The following FOCAD variants were observed in gnomAD, a reference collection of about 807,000 sequenced individuals.
FOCAD encodes the protein KIAA1797.
In FOCAD, 198 loss-of-function variants were observed where a neutral mutation model predicts 225.6. That is an observed-to-expected ratio of 0.88 (90% CI 0.78 to 0.99). The LOEUF is 0.99. Among genes scored for constraint, FOCAD ranks in the 50% least tolerant of loss-of-function variants. The pLI, the probability that FOCAD is intolerant of heterozygous loss-of-function variation, is 0.00. For synonymous variants in FOCAD, 897 were observed against 755.0 expected (o/e 1.19, Z -3.08); for missense variants, 2,713 against 2,123.6 (o/e 1.28, Z -5.46).
At chr9:20,995,469 G>C in intron 43 of FOCAD, 87 bp from the exon 44 acceptor site, 1 of 1,098,646 alleles carries the variant, frequency 9.1e-7, no homozygotes. Context: ...CATTAGCCAA[G>C]TGAGAAAAAG....
chr9:20,820,552 A>C (rs1824211257), intron 13 of FOCAD, 127 bp downstream of exon 13: 2 of 715,924 alleles, frequency 2.8e-6, no homozygotes, highest in South Asian at 4.4e-5. Context: ...ATTGCATTGA[A>C]AAAGTTTTGA....
chr9:20,946,325 G>A (rs1837174741), intron 29 of FOCAD, among the ~76,000 whole-genome samples: 1 of 152,098 alleles, frequency 6.6e-6, no homozygotes. Flanking sequence ...CAATTAATTA[G>A]TAGCACCCAC....
intron 37 of FOCAD, among the ~76,000 whole-genome samples, chr9:20,978,778 A>G (rs760510759): frequency 8.5e-5 from 13 of 152,262 alleles, no homozygotes; most frequent in Non-Finnish European, 1.9e-4. Flanking sequence ...ATTATATAGT[A>G]TATGTAATTA....
intron 11 of FOCAD, among the ~76,000 whole-genome samples, chr9:20,796,724 C>T (rs1265297035): frequency 6.6e-6 from 1 of 152,104 alleles, no homozygotes; most frequent in African/African-American, 2.4e-5. Flanking sequence ...AGCCCTTTGT[C>T]AGATGAGTAG....
At chr9:20,804,928 A>G (rs1478653272) in intron 11 of FOCAD, among the ~76,000 whole-genome samples, 3 of 152,088 alleles carry the variant, frequency 2.0e-5, no homozygotes, top group Non-Finnish European at 4.4e-5. Context: ...AATTTACCTA[A>G]TTTGATTTGG....
At chr9:20,940,062 A>G (rs777176215) in intron 28 of FOCAD, among the ~76,000 whole-genome samples, 15 of 151,924 alleles carry the variant, frequency 9.9e-5, no homozygotes, top group South Asian at 4.2e-4. Flanking sequence ...TTGGTTTTCT[A>G]TCCTTTTTAA....
chr9:20,679,871 C>T (rs540365295), upstream of FOCAD, among the ~76,000 whole-genome samples: 172 of 149,734 alleles, frequency 1.1e-3, no homozygotes, highest in African/African-American at 3.7e-3. Flanking sequence ...TTAAGTCTAG[C>T]GCACCCTCCA....
intron 15 of FOCAD, among the ~76,000 whole-genome samples, chr9:20,826,784 C>T (rs1017576444): frequency 3.9e-5 from 6 of 152,104 alleles, no homozygotes; most frequent in Admixed American, 1.3e-4. Context: ...TCTTTGGTTA[C>T]TCCCGGGCTT....
chr9:20,946,591 A>C (rs1837204299), intron 29 of FOCAD, 110 bp from the exon 30 acceptor site: 3 of 1,209,770 alleles, frequency 2.5e-6, no homozygotes, highest in Non-Finnish European at 3.4e-6. Context: ...AATGTATGTG[A>C]ATCCAATTCT....
At chr9:20,656,800 G>A (rs866142599), upstream of FOCAD, among the ~76,000 whole-genome samples, 6 of 152,276 alleles carry the variant, frequency 3.9e-5, no homozygotes, top group African/African-American at 1.4e-4. Context: ...AGCGTTATGT[G>A]TGAATTTGAT....
At chr9:20,694,077 C>A (rs1823148255) in intron 1 of FOCAD, among the ~76,000 whole-genome samples, 1 of 152,174 alleles carries the variant, frequency 6.6e-6, no homozygotes, top group South Asian at 2.1e-4. Flanking sequence ...CTAATTTATT[C>A]TTTGCAAGAA....
At chr9:20,675,632 C>A (rs1279344861) in intron 2 of FOCAD, among the ~76,000 whole-genome samples, 3 of 152,158 alleles carry the variant, frequency 2.0e-5, no homozygotes. Context: ...TTCTGAGTGG[C>A]TTCTTTGTTG....
intron 10 of FOCAD, among the ~76,000 whole-genome samples, chr9:20,785,303 G>A (rs551117558): frequency 4.0e-5 from 6 of 151,884 alleles, no homozygotes; most frequent in African/African-American, 9.7e-5. Flanking sequence ...TAGTATATTC[G>A]CAGCATTGTA....
intron 15 of FOCAD, among the ~76,000 whole-genome samples, chr9:20,823,796 G>A (rs759306716): frequency 6.6e-6 from 1 of 152,120 alleles, no homozygotes; most frequent in South Asian, 2.1e-4. Flanking sequence ...GTTATGGTCA[G>A]TTATGGTTGA....
intron 15 of FOCAD, among the ~76,000 whole-genome samples, chr9:20,841,808 T>C (rs1826556982): frequency 6.6e-6 from 1 of 151,876 alleles, no homozygotes. Flanking sequence ...TTTGATTTGC[T>C]CTTGCTTTTC....
In FOCAD at chr9:20,879,115, G is replaced by A. The variant is rs1830468160; in HGVS notation, c.2318-2756G>A. 2.6e-5 allele frequency among the ~76,000 whole-genome samples: 4 copies of A among 152,198 alleles called. No homozygotes were observed. The South Asian group carries it at 8.3e-4, about 32-fold the overall frequency. Reference sequence around the variant, plus strand: ...CCAACCCCAAATAATGCTTTACCAGGTTTCTAGGTATTCCTTAAGCCAGCC... The same window carrying A: ...CCAACCCCAAATAATGCTTTACCAGATTTCTAGGTATTCCTTAAGCCAGCC... On this transcript the variant is annotated intron_variant, in intron 19 of 43. Transcript: ENST00000338382.
rs1003547109 is a variant in FOCAD, at chr9:20,761,492, C to G, written c.494+3301C>G. On this transcript the variant is annotated intron_variant, in intron 6 of 43. Coordinates refer to ENST00000338382, the MANE Select transcript of FOCAD (RefSeq NM_001375567.1). ...CTGGAGTGCAGTGGTGCAATCTCGG[C>G]TCATTGCAACCTCTGCCTCACGGGT... Among the ~76,000 whole-genome samples, 61 of 152,216 alleles carry G rather than the reference C, an allele frequency of 4.0e-4. 1 individual carries two copies. Among genetic ancestry groups the G allele is most frequent in the African/African-American group, 1.4e-3 (59 of 41,508 alleles).
chr9:20,797,386 C>G lies in FOCAD; in HGVS notation c.1455+7778C>G, dbSNP rs141253789. 3.9e-3 allele frequency among the ~76,000 whole-genome samples: 586 copies of G among 152,190 alleles called. 4 individuals carry two copies. Among genetic ancestry groups the G allele is most frequent in the African/African-American group, 0.014 (562 of 41,538 alleles). On this transcript the variant is annotated intron_variant, in intron 11 of 43. Transcript: ENST00000338382. ...TTGGTAGCTTGATGAGGATGGCATT[C>G]AATCTATAAATTACCTTGGGCAGTA... is the stretch of plus-strand genomic sequence containing the variant.
intron 2 of FOCAD, among the ~76,000 whole-genome samples, chr9:20,660,714 G>A (rs949828607): frequency 1.3e-5 from 2 of 152,188 alleles, no homozygotes; most frequent in African/African-American, 4.8e-5. Context: ...AGTGTTCACT[G>A]GATGTGAAAA....
Sources: gnomAD v4.1 joint callset for allele counts (sites outside exome capture counted in the v4.1 genomes callset) on GRCh38, gnomAD v4.1.1 for gene constraint, MANE v1.5 for transcripts, NCBI Gene and HGNC (gene_info 2026-07-23, HGNC 2026-07-21) for gene names.